Variants in DOCK5 observed in about 807,000 individuals in gnomAD.
DOCK5 encodes the protein dedicator of cytokinesis protein 5.
A neutral mutation model predicts 251.8 loss-of-function variants in DOCK5; 142 were observed. The ratio of observed to expected loss-of-function variants is 0.56; its 90% CI spans 0.49 to 0.65. The LOEUF (loss-of-function observed/expected upper bound fraction) is 0.65. DOCK5 is among the 30% of genes least tolerant of loss of function. DOCK5 has a pLI of 0.00. For missense variants in DOCK5, 2,111 were observed against 2,312.3 expected (o/e 0.91, Z 1.79); for synonymous variants, 842 against 835.5 (o/e 1.01, Z -0.13).
At chr8:25,196,325 A>T (rs1319998095) in intron 1 of DOCK5, among the ~76,000 whole-genome samples, 1 of 152,220 alleles carries the variant, frequency 6.6e-6, no homozygotes, top group African/African-American at 2.4e-5. Context: ...GAGCACATGA[A>T]TTGGAAAGGA....
chr8:25,310,731 A>C (rs193272297), intron 13 of DOCK5, among the ~76,000 whole-genome samples, 199 bp downstream of exon 13: 1 of 152,300 alleles, frequency 6.6e-6, no homozygotes, highest in Admixed American at 6.5e-5. Context: ...CAAATATAAA[A>C]ACCTCTGCTC....
At chr8:25,354,988 C>G (rs1800542375) in intron 27 of DOCK5, among the ~76,000 whole-genome samples, 1 of 152,156 alleles carries the variant, frequency 6.6e-6, no homozygotes, top group African/African-American at 2.4e-5. Flanking sequence ...AATCCCAGCA[C>G]TTTGGGAGGC....
intron 37 of DOCK5, chr8:25,376,105 A>G (rs1372005653): frequency 7.8e-6 from 2 of 258,004 alleles, no homozygotes; most frequent in Non-Finnish European, 9.4e-6. Flanking sequence ...TCTCAAAAGA[A>G]AAAAAAAAAA....
At chr8:25,273,782 C>A (rs1275335488) in intron 3 of DOCK5, among the ~76,000 whole-genome samples, 1 of 152,196 alleles carries the variant, frequency 6.6e-6, no homozygotes, top group East Asian at 1.9e-4. Context: ...CTGTGCCCCA[C>A]AGTAGACACA....
intron 21 of DOCK5, among the ~76,000 whole-genome samples, chr8:25,334,423 T>TAGG (rs1295697462): frequency 6.6e-6 from 1 of 152,208 alleles, no homozygotes; most frequent in Non-Finnish European, 1.5e-5. Flanking sequence ...CGAAATTTCC[T>TAGG]TAAGGATCCA....
At chr8:25,375,879 C>T (rs1420371837) in intron 37 of DOCK5, 6 of 928,028 alleles carry the variant, frequency 6.5e-6, no homozygotes, top group Non-Finnish European at 7.7e-6. Flanking sequence ...CAGCAGATCA[C>T]TTGGGGTCAG....
chr8:25,383,138 C>A (rs1433008644), intron 40 of DOCK5, among the ~76,000 whole-genome samples: 1 of 152,104 alleles, frequency 6.6e-6, no homozygotes, highest in Non-Finnish European at 1.5e-5. Flanking sequence ...ATCCCAAGAA[C>A]CAGACTGCAG....
intron 1 of DOCK5, among the ~76,000 whole-genome samples, chr8:25,239,223 A>G (rs1472799664): frequency 6.6e-6 from 1 of 152,092 alleles, no homozygotes; most frequent in Admixed American, 6.6e-5. Context: ...GGAGACAAAG[A>G]CAGATAATTA....
At chr8:25,312,639 T>C (rs1331289487) in intron 13 of DOCK5, among the ~76,000 whole-genome samples, 2 of 151,990 alleles carry the variant, frequency 1.3e-5, no homozygotes, top group East Asian at 3.9e-4. Flanking sequence ...GACGTGTACC[T>C]GTAGTCCCAG....
At chr8:25,385,971 A>G (rs893894304) in intron 40 of DOCK5, among the ~76,000 whole-genome samples, 1 of 152,234 alleles carries the variant, frequency 6.6e-6, no homozygotes, top group South Asian at 2.1e-4. Context: ...GACCTTGAGA[A>G]TAGCAGGTCC....
intron 1 of DOCK5, among the ~76,000 whole-genome samples, chr8:25,190,515 C>T (rs1009092194): frequency 3.8e-4 from 58 of 152,160 alleles, no homozygotes; most frequent in African/African-American, 1.3e-3. Context: ...AGTGCAATTG[C>T]GGTTTATTGG....
intron 42 of DOCK5, among the ~76,000 whole-genome samples, chr8:25,390,533 T>C (rs921601351): frequency 6.6e-6 from 1 of 152,242 alleles, no homozygotes; most frequent in Non-Finnish European, 1.5e-5. Context: ...CAAGACCTAC[T>C]GTCTGTTCTA....
Position 25,408,840 on chromosome 8 carries a change from G to T in DOCK5, c.5304G>T (p.Gln1768His). 1.2e-6 allele frequency: 2 copies of T among 1,614,000 alleles called. No homozygotes were observed. The highest frequency in any genetic ancestry group is 1.7e-6 in the Non-Finnish European group (2 of 1,179,890). ...TRKAQRPKSL[Q>H]LMDNRLSPFH... ...AAGCACAAAGGCCAAAGAGTCTCCA[G>T]TTGATGGATAATCGGCTATCACCAT... The change falls in exon 50 of 52, where the codon CAG becomes CAT. Residue 1768 changes from glutamine (Q) to histidine (H), a missense_variant. Physicochemically the swap from Gln to His is conservative, Grantham distance 24. This residue lies in a region of DOCK5 where 1,717 missense variants were observed against 1,892.4 expected (regional missense o/e 0.91). Transcript: ENST00000276440.
intron 2 of DOCK5, among the ~76,000 whole-genome samples, chr8:25,246,681 T>TA (rs1023391100): frequency 2.7e-5 from 4 of 147,588 alleles, no homozygotes; most frequent in African/African-American, 1.0e-4. Flanking sequence ...TTTGACCTGG[T>TA]AATTCTTCAC....
intron 13 of DOCK5, among the ~76,000 whole-genome samples, chr8:25,313,519 C>G (rs1190413937): frequency 6.6e-6 from 1 of 152,216 alleles, no homozygotes; most frequent in Non-Finnish European, 1.5e-5. Context: ...TTCTGCTTCA[C>G]CTCTAAATGT....
intron 49 of DOCK5, 105 bp downstream of exon 49, chr8:25,408,259 T>G: frequency 7.8e-7 from 1 of 1,278,624 alleles, no homozygotes; most frequent in Non-Finnish European, 1.1e-6. Context: ...GGGCTATGGC[T>G]TGTTTCAGGA....
At chr8:25,352,843 C>G (rs574202649) in intron 27 of DOCK5, among the ~76,000 whole-genome samples, 15 of 151,940 alleles carry the variant, frequency 9.9e-5, no homozygotes, top group Non-Finnish European at 4.4e-5. Flanking sequence ...AAAAAATGAG[C>G]AGGATAAGGG....
At chr8:25,289,074 A>G (rs1383438102) in intron 5 of DOCK5, among the ~76,000 whole-genome samples, 1 of 145,300 alleles carries the variant, frequency 6.9e-6, no homozygotes, top group African/African-American at 2.5e-5. Context: ...TAGGGTTTCA[A>G]CACACTCTGC....
In DOCK5 at chr8:25,184,815, G is replaced by T; in HGVS notation, c.-94G>T. 8.6e-7 allele frequency: 1 copy of T among 1,159,924 alleles called. No homozygotes were observed. 71.9% of individuals were successfully genotyped at this position (1,159,924 alleles called of 1,614,324 possible). A position where few individuals can be genotyped will look rare whatever the true frequency, so the allele number is the denominator to read the frequency against. ...AAGTTTGGCGGAACATGGCGGAAGC[G>T]TCTGGGGCACGCAGGAGCGCGGGGC... On this transcript the variant is annotated 5_prime_UTR_variant, in exon 1 of 52. Coordinates refer to ENST00000276440, the MANE Select transcript of DOCK5 (RefSeq NM_024940.8).
Sources: gnomAD v4.1 joint callset for allele counts (sites outside exome capture counted in the v4.1 genomes callset) on GRCh38, gnomAD v4.1.1 for gene constraint, gnomAD v4.1.1 regional missense constraint, MANE v1.5 for transcripts, NCBI Gene and HGNC (gene_info 2026-07-23, HGNC 2026-07-21) for gene names.